MEGF6: variants seen among roughly 807,000 people sequenced by gnomAD.
The protein encoded by MEGF6 is multiple epidermal growth factor-like domains protein 6.
In MEGF6, 184 loss-of-function variants were observed where a neutral mutation model predicts 207.1. The ratio of observed to expected loss-of-function variants is 0.89; its 90% CI spans 0.79 to 1.00. MEGF6 has a LOEUF of 1.00. Among genes scored for constraint, MEGF6 ranks in the 50% least tolerant of loss-of-function variants. MEGF6 has a pLI of 0.00. For missense variants in MEGF6, 2,282 were observed against 2,202.9 expected, an observed-to-expected ratio of 1.04 and a Z score of -0.72; for synonymous variants, 1,038 against 910.0, an observed-to-expected ratio of 1.14 and a Z score of -2.53.
At chr1:3,500,825 C>G (rs1358701323) in intron 20 of MEGF6, 61 bp from the exon 21 acceptor site, 1 of 1,593,946 alleles carries the variant, frequency 6.3e-7, no homozygotes, top group South Asian at 1.1e-5. Flanking sequence ...GCACCACAGC[C>G]GAGTCAGGCA....
intron 1 of MEGF6, among the ~76,000 whole-genome samples, chr1:3,607,491 G>A (rs1320377088): frequency 1.3e-5 from 2 of 152,202 alleles, no homozygotes; most frequent in African/African-American, 4.8e-5. Flanking sequence ...GGGAACGACT[G>A]TCTCCTCTGG....
chr1:3,490,497 T>G lies in MEGF6; in HGVS notation c.*31A>C. On this transcript the variant is annotated 3_prime_UTR_variant, in exon 37 of 37. Coordinates refer to ENST00000356575, the MANE Select transcript of MEGF6 (RefSeq NM_001409.4). ...GGCCAGGGTCCCCTCTGGCTGGGAC[T>G]GGAGAGGCGGGCTCCACGGGACTGC... 1 of 1,611,846 alleles carries G rather than the reference T, an allele frequency of 6.2e-7. No homozygotes were observed. Among genetic ancestry groups the G allele is most frequent in the Admixed American group, 1.7e-5 (1 of 59,850 alleles).
At chr1:3,537,215 G>C (rs1642360260) in intron 4 of MEGF6, among the ~76,000 whole-genome samples, 1 of 152,256 alleles carries the variant, frequency 6.6e-6, no homozygotes, top group African/African-American at 2.4e-5. Flanking sequence ...GCCCAGCCCA[G>C]TCTACCTCCT....
Position 3,579,827 on chromosome 1 carries a change from T to G in MEGF6, c.479A>C (p.Tyr160Ser), listed in dbSNP as rs777898943. ...PPGFQGPRCQ[Y>S]DVDECRTHNG... ...GGTCCCCCAGGGGCTCCACTCACCATACTGACAGCGGGGTCCCTGGAAGCC... is the reference window on the plus strand; with the variant it reads ...GGTCCCCCAGGGGCTCCACTCACCAGACTGACAGCGGGGTCCCTGGAAGCC... Residue 160 changes from tyrosine (Y) to serine (S), a missense_variant and splice_region_variant, in exon 4 of 37, where the codon TAT (tyrosine) becomes TCT (serine). By Grantham distance (144) the Tyr-to-Ser change is moderately radical. Transcript: ENST00000356575. 7 of 1,515,218 alleles carry G rather than the reference T, an allele frequency of 4.6e-6. No homozygotes were observed. In the South Asian group the frequency reaches 9.1e-5, roughly 20 times the overall value. 93.9% of individuals were successfully genotyped at this position (1,515,218 alleles called of 1,614,324 possible).
At chr1:3,598,106 C>A (rs1201877722) in intron 2 of MEGF6, among the ~76,000 whole-genome samples, 2 of 152,198 alleles carry the variant, frequency 1.3e-5, no homozygotes, top group African/African-American at 2.4e-5. Flanking sequence ...CACCCTCCCC[C>A]ATCTCTGCCG....
chr1:3,559,815 G>T (rs1643140221), intron 4 of MEGF6, among the ~76,000 whole-genome samples: 1 of 151,956 alleles, frequency 6.6e-6, no homozygotes, highest in African/African-American at 2.4e-5. Context: ...TTCAAGACCA[G>T]CCTGGCCAAC....
At chr1:3,549,119 T>C (rs1427979466) in intron 4 of MEGF6, among the ~76,000 whole-genome samples, 2 of 152,164 alleles carry the variant, frequency 1.3e-5, no homozygotes, top group East Asian at 1.9e-4. Context: ...CGCTGGGTGA[T>C]CTGTCCCCAG....
chr1:3,581,515 G>A (rs1643797905), intron 3 of MEGF6, among the ~76,000 whole-genome samples: 2 of 152,216 alleles, frequency 1.3e-5, no homozygotes, highest in African/African-American at 4.8e-5. Flanking sequence ...GACCAACCCG[G>A]GGCCCAGTAA....
At chr1:3,607,957 C>T (rs1340187825) in intron 1 of MEGF6, among the ~76,000 whole-genome samples, 4 of 152,150 alleles carry the variant, frequency 2.6e-5, no homozygotes, top group Non-Finnish European at 5.9e-5. Context: ...AGAAAGCAGG[C>T]AGCCAGCCTG....
intron 5 of MEGF6, among the ~76,000 whole-genome samples, chr1:3,522,268 G>A (rs375338648): frequency 2.0e-5 from 3 of 152,134 alleles, no homozygotes; most frequent in African/African-American, 7.2e-5. Flanking sequence ...AGTCTCACCT[G>A]GGCCCTCCAT....
At chr1:3,514,991 C>T (rs947350) in intron 6 of MEGF6, among the ~76,000 whole-genome samples, 11,630 of 152,288 alleles carry the variant, frequency 0.076, 619 homozygotes, top group Admixed American at 0.13. Context: ...TGACTCCAGC[C>T]CCTTCATGCC....
chr1:3,606,125 G>A (rs76616683), intron 1 of MEGF6, among the ~76,000 whole-genome samples: 2 of 152,258 alleles, frequency 1.3e-5, no homozygotes, highest in African/African-American at 4.8e-5. Flanking sequence ...CAGAACTCGT[G>A]ATGAACGCAC....
chr1:3,541,204 T>A (rs930429612), intron 4 of MEGF6, among the ~76,000 whole-genome samples: 1 of 152,154 alleles, frequency 6.6e-6, no homozygotes. Flanking sequence ...CACTGCCCCG[T>A]GGGGGGCCTC....
intron 9 of MEGF6, 144 bp from the exon 10 acceptor site, chr1:3,511,046 G>A (rs1022457082): frequency 1.1e-5 from 13 of 1,180,956 alleles, no homozygotes; most frequent in African/African-American, 9.2e-5. Context: ...TGTGCACACC[G>A]ACATTCATGG....
intron 4 of MEGF6, among the ~76,000 whole-genome samples, chr1:3,532,170 G>C (rs1271174476): frequency 6.6e-6 from 1 of 152,234 alleles, no homozygotes. Context: ...GGGTCCCCAC[G>C]CTCCTCGAGG....
intron 4 of MEGF6, among the ~76,000 whole-genome samples, chr1:3,532,133 C>T (rs1011539339): frequency 6.6e-6 from 1 of 152,250 alleles, no homozygotes; most frequent in Non-Finnish European, 1.5e-5. Flanking sequence ...GCAAAGGCCA[C>T]GGAGGTGCTT....
At chr1:3,531,564 G>A (rs1323518297) in intron 4 of MEGF6, 8 of 897,004 alleles carry the variant, frequency 8.9e-6, no homozygotes, top group East Asian at 1.1e-4. Flanking sequence ...CGGCCCGCCC[G>A]CCCCGCGCAT....
At chr1:3,550,765 C>T (rs1265783874) in intron 4 of MEGF6, among the ~76,000 whole-genome samples, 1 of 152,230 alleles carries the variant, frequency 6.6e-6, no homozygotes, top group Non-Finnish European at 1.5e-5. Flanking sequence ...CCCTTGCAGC[C>T]GATCCAGCAA....
chr1:3,536,587 G>A (rs1048833486), intron 4 of MEGF6, among the ~76,000 whole-genome samples: 3 of 152,178 alleles, frequency 2.0e-5, no homozygotes, highest in Non-Finnish European at 2.9e-5. Context: ...CACCGAGCAC[G>A]TCCCAGCCGG....
Sources: allele counts gnomAD v4.1 joint callset (sites outside exome capture counted in the v4.1 genomes callset), GRCh38; gene constraint gnomAD v4.1.1; transcripts MANE v1.5; gene names NCBI Gene and HGNC (gene_info 2026-07-23, HGNC 2026-07-21).